USP15: variants seen among roughly 807,000 people sequenced by gnomAD.
USP15 encodes the protein ubiquitin carboxyl-terminal hydrolase 15.
Under a neutral mutation model 127.1 loss-of-function variants are expected in USP15, and 18 were observed. The ratio of observed to expected loss-of-function variants is 0.14; its 90% CI spans 0.10 to 0.21. The LOEUF (loss-of-function observed/expected upper bound fraction) is 0.21, where lower values mean the gene tolerates loss of function less well. USP15 is among the 10% of genes least tolerant of loss of function. The pLI, the probability that USP15 is intolerant of heterozygous loss-of-function variation, is 1.00. For missense variants in USP15, 805 were observed against 1,159.9 expected, an observed-to-expected ratio of 0.69 and a Z score of 4.44; for synonymous variants, 364 against 393.7, an observed-to-expected ratio of 0.92 and a Z score of 0.89.
intron 1 of USP15, among the ~76,000 whole-genome samples, chr12:62,286,884 C>G (rs930076064): frequency 1.3e-5 from 2 of 150,668 alleles, no homozygotes; most frequent in African/African-American, 4.9e-5. Context: ...TTGCGGTGAG[C>G]TGAGATCGCA....
chr12:62,279,270 T>G (rs2063582162), intron 1 of USP15: 1 of 152,176 alleles, frequency 6.6e-6, no homozygotes, highest in Admixed American at 6.5e-5. Flanking sequence ...TGTGACTCAT[T>G]TACTTCATTT....
At chr12:62,318,206 T>C (rs897541193) in intron 4 of USP15, among the ~76,000 whole-genome samples, 13 of 152,182 alleles carry the variant, frequency 8.5e-5, no homozygotes, top group African/African-American at 2.7e-4. Context: ...TATCTGTAAC[T>C]GCACTTGCCA....
chr12:62,292,603 G>A (rs752465510), intron 1 of USP15, among the ~76,000 whole-genome samples: 2 of 152,216 alleles, frequency 1.3e-5, no homozygotes, highest in Non-Finnish European at 2.9e-5. Flanking sequence ...CTCTATGTCT[G>A]GGCTCAAGCA....
chr12:62,356,637 G>T (rs573040289), intron 8 of USP15, among the ~76,000 whole-genome samples: 3 of 151,898 alleles, frequency 2.0e-5, no homozygotes, highest in African/African-American at 4.8e-5. Flanking sequence ...TAATATATAG[G>T]TTAATAAACT....
At chr12:62,363,224 G>A (rs756112633) in intron 8 of USP15, among the ~76,000 whole-genome samples, 6 of 152,044 alleles carry the variant, frequency 3.9e-5, no homozygotes, top group Middle Eastern at 6.8e-3. Flanking sequence ...CCAGCAATTC[G>A]TTTCAAACCT....
rs984426253 is a variant in USP15 at position 62,413,426 on chromosome 12, ACTTT to A, written c.*9053_*9056del. 1 of 152,146 alleles carries A rather than the reference ACTTT, an allele frequency of 6.6e-6. No individual in the cohort carries two copies. Among genetic ancestry groups the A allele is most frequent in the African/African-American group, 2.4e-5 (1 of 41,426 alleles). 9.4% of individuals were successfully genotyped at this position (152,146 alleles called of 1,614,324 possible). Reference sequence around the variant, plus strand: ...CCTGGATGACATCTTCCAACATAAGACTTTCATCTACATTGAAAGTTTGTTTTTA... The same window carrying A: ...CCTGGATGACATCTTCCAACATAAGACATCTACATTGAAAGTTTGTTTTTA... On this transcript the variant is annotated 3_prime_UTR_variant, in exon 22 of 22. Transcript: ENST00000280377.
intron 21 of USP15, among the ~76,000 whole-genome samples, chr12:62,403,473 C>A (rs796626241): frequency 1.3e-5 from 2 of 152,090 alleles, no homozygotes; most frequent in African/African-American, 4.8e-5. Flanking sequence ...GAAAGGTCAC[C>A]CATTTCAGTT....
intron 21 of USP15, among the ~76,000 whole-genome samples, chr12:62,401,981 A>G (rs1017230869): frequency 4.0e-5 from 6 of 150,910 alleles, no homozygotes; most frequent in Admixed American, 6.6e-5. Context: ...AGACTTGAAT[A>G]CTATAAATTT....
chr12:62,300,109 A>G (rs1266584787), intron 2 of USP15, among the ~76,000 whole-genome samples: 1 of 151,946 alleles, frequency 6.6e-6, no homozygotes, highest in Admixed American at 6.6e-5. Context: ...GGCTTTTTAT[A>G]TTCTTGATGG....
chr12:62,333,432 T>C (rs2065362713), intron 6 of USP15, among the ~76,000 whole-genome samples: 1 of 151,934 alleles, frequency 6.6e-6, no homozygotes, highest in Admixed American at 6.6e-5. Flanking sequence ...ACCTGGCTAA[T>C]TTTTGGGTTT....
intron 1 of USP15, among the ~76,000 whole-genome samples, chr12:62,287,976 G>T (rs2063832252): frequency 6.6e-6 from 1 of 152,168 alleles, no homozygotes; most frequent in Non-Finnish European, 1.5e-5. Flanking sequence ...GTACCATGCT[G>T]CTTTGGTTAC....
At chr12:62,311,431 A>G (rs976328338) in intron 3 of USP15, among the ~76,000 whole-genome samples, 5 of 151,862 alleles carry the variant, frequency 3.3e-5, no homozygotes. Flanking sequence ...TTCTTTTGAA[A>G]TGACTAAACT....
In USP15 at chr12:62,404,390, G is replaced by A. The variant is rs1286019756; in HGVS notation, c.*15G>A. 4.5e-6 allele frequency: 7 copies of A among 1,560,346 alleles called. No homozygotes were observed. Among genetic ancestry groups the A allele is most frequent in the Admixed American group, 1.9e-5 (1 of 52,926 alleles). ...ACACTAACTAATGAAAGTCCTAGAA[G>A]CCATAAAAGAGACACTTTCCTGCTG... On this transcript the variant is annotated 3_prime_UTR_variant, in exon 22 of 22. Coordinates refer to ENST00000280377, the MANE Select transcript of USP15 (RefSeq NM_001252078.2).
At chr12:62,350,612 A>C (rs561990889) in intron 7 of USP15, among the ~76,000 whole-genome samples, 7 of 152,270 alleles carry the variant, frequency 4.6e-5, no homozygotes, top group African/African-American at 1.7e-4. Context: ...CAATACAAGT[A>C]AAGGAATTAA....
At chr12:62,391,529 CCA>C in intron 16 of USP15, 100 bp downstream of exon 16, 1 of 1,420,290 alleles carries the variant, frequency 7.0e-7, no homozygotes. Context: ...AAGAAATATA[CCA>C]TTTACTTTTC....
intron 1 of USP15, among the ~76,000 whole-genome samples, chr12:62,288,048 C>T (rs1456334068): frequency 6.6e-6 from 1 of 152,030 alleles, no homozygotes; most frequent in African/African-American, 2.4e-5. Flanking sequence ...GTTCTTTTTG[C>T]TTAGTATTGC....
chr12:62,286,632 T>A (rs749011806), intron 1 of USP15, among the ~76,000 whole-genome samples: 1 of 151,990 alleles, frequency 6.6e-6, no homozygotes, highest in East Asian at 1.9e-4. Context: ...CATTGATGGA[T>A]TGGATAAAGA....
chr12:62,316,010 C>T (rs905882625), intron 4 of USP15, among the ~76,000 whole-genome samples: 1 of 152,000 alleles, frequency 6.6e-6, no homozygotes, highest in East Asian at 1.9e-4. Context: ...GTTGGCCGGA[C>T]GCAGTGGCTC....
chr12:62,278,496 C>T (rs554981292), intron 1 of USP15: 5 of 152,194 alleles, frequency 3.3e-5, no homozygotes, highest in South Asian at 2.1e-4. Context: ...CCAGCATCAC[C>T]GTAAACATGT....
Sources: allele counts gnomAD v4.1 joint callset (sites outside exome capture counted in the v4.1 genomes callset), GRCh38; gene constraint gnomAD v4.1.1; transcripts MANE v1.5; gene names NCBI Gene and HGNC (gene_info 2026-07-23, HGNC 2026-07-21).